Variants in MCUB observed in about 807,000 individuals in gnomAD.
The protein encoded by MCUB is calcium uniporter regulatory subunit MCUb, mitochondrial.
In MCUB, 46 loss-of-function variants were observed where a neutral mutation model predicts 41.4. The ratio of observed to expected loss-of-function variants is 1.11; its 90% CI spans 0.88 to 1.42. The LOEUF (loss-of-function observed/expected upper bound fraction) is 1.42, where lower values mean the gene tolerates loss of function less well. MCUB is among the 40% of genes most tolerant of loss of function. The pLI is 0.00. For synonymous variants in MCUB, 148 were observed against 148.2 expected, an observed-to-expected ratio of 1.00 and a Z score of 0.01; for missense variants, 403 against 404.9, an observed-to-expected ratio of 1.00 and a Z score of 0.04.
chr4:109,673,039 C>T (rs1729494772), intron 4 of MCUB, among the ~76,000 whole-genome samples: 1 of 152,184 alleles, frequency 6.6e-6, no homozygotes, highest in South Asian at 2.1e-4. Context: ...AAATGAATCA[C>T]TCATTTCAAC....
At chr4:109,658,198 A>G (rs1262649698) in intron 1 of MCUB, among the ~76,000 whole-genome samples, 1 of 152,226 alleles carries the variant, frequency 6.6e-6, no homozygotes, top group Non-Finnish European at 1.5e-5. Context: ...GCACAGATCT[A>G]GAGCAGTGTT....
chr4:109,685,531 A>G (rs998125347), intron 7 of MCUB, among the ~76,000 whole-genome samples, 164 bp downstream of exon 7: 3 of 152,230 alleles, frequency 2.0e-5, no homozygotes, highest in African/African-American at 7.2e-5. Flanking sequence ...TATTAATTTC[A>G]TATCCCAGTT....
In MCUB at chr4:109,674,070, T is replaced by C. The variant is rs1312468525; in HGVS notation, c.452-8512T>C. On this transcript the variant is annotated intron_variant, in intron 4 of 7. Transcript: ENST00000394650. ...AAGGCTTTGTTGTAGGAGCAATGACTGTTGGTATGGGCTATTCCATGTATC... is the reference window on the plus strand; with the variant it reads ...AAGGCTTTGTTGTAGGAGCAATGACCGTTGGTATGGGCTATTCCATGTATC... 5 of 1,428,598 alleles carry C rather than the reference T, an allele frequency of 3.5e-6. No homozygotes were observed. The East Asian group carries it at 6.8e-5, about 19-fold the overall frequency. The allele number at this position is 1,428,598 out of a possible 1,614,324, so 88.5% of individuals were successfully genotyped here.
At chr4:109,606,165 G>A (rs750804516) in intron 1 of MCUB, among the ~76,000 whole-genome samples, 14 of 152,038 alleles carry the variant, frequency 9.2e-5, no homozygotes, top group Admixed American at 5.2e-4. Flanking sequence ...TAGTAGAGAC[G>A]GGGTTTCACC....
chr4:109,595,793 CT>C, intron 1 of MCUB, among the ~76,000 whole-genome samples: 1 of 152,282 alleles, frequency 6.6e-6, no homozygotes, highest in African/African-American at 2.4e-5. Context: ...GTAGGGTCAT[CT>C]TGACCAATGA....
At chr4:109,574,793 G>A (rs575919082) in intron 1 of MCUB, among the ~76,000 whole-genome samples, 4 of 152,084 alleles carry the variant, frequency 2.6e-5, no homozygotes, top group African/African-American at 7.2e-5. Flanking sequence ...AGACAGAGCC[G>A]GACTGGTCAA....
In MCUB at chr4:109,560,353, C is replaced by T; in HGVS notation, c.16C>T (p.Leu6Phe). Residue 6 changes from leucine to phenylalanine, a missense_variant, in exon 1 of 8, where the codon CTC becomes TTC. By Grantham distance (22) the Leu-to-Phe change is conservative. Coordinates refer to ENST00000394650, the MANE Select transcript of MCUB (RefSeq NM_017918.5). Reference protein sequence around the residue: MLQRGLWPWRTRLLPT... With the variant: MLQRGFWPWRTRLLPT... ...GGGCGGGAGGATGCTCCAGAGGGGCCTCTGGCCGTGGCGCACGCGGCTGCT... is the reference window on the plus strand; with the variant it reads ...GGGCGGGAGGATGCTCCAGAGGGGCTTCTGGCCGTGGCGCACGCGGCTGCT... The T allele has an allele frequency of 4.6e-6, 6 of 1,314,732 alleles. No individual in the cohort carries two copies. The highest frequency in any genetic ancestry group is 5.8e-6 in the Non-Finnish European group (6 of 1,032,644). The allele number at this position is 1,314,732 out of a possible 1,614,324, so 81.4% of individuals were successfully genotyped here.
intron 1 of MCUB, among the ~76,000 whole-genome samples, chr4:109,658,652 G>A (rs1357800762): frequency 6.6e-6 from 1 of 152,102 alleles, no homozygotes; most frequent in East Asian, 1.9e-4. Context: ...ACCACATATT[G>A]AGAAGCATGT....
At chr4:109,652,932 G>A (rs1439599464) in intron 1 of MCUB, among the ~76,000 whole-genome samples, 1 of 152,216 alleles carries the variant, frequency 6.6e-6, no homozygotes, top group Non-Finnish European at 1.5e-5. Flanking sequence ...ACCAGACCAA[G>A]TCCCTGCCTG....
intron 1 of MCUB, among the ~76,000 whole-genome samples, chr4:109,640,226 T>G (rs1372833341): frequency 6.6e-6 from 1 of 152,156 alleles, no homozygotes; most frequent in Non-Finnish European, 1.5e-5. Flanking sequence ...TGTCATAAGG[T>G]CAGTTGATCA....
chr4:109,669,810 C>T (rs1179089806), intron 4 of MCUB, among the ~76,000 whole-genome samples: 1 of 152,004 alleles, frequency 6.6e-6, no homozygotes, highest in Admixed American at 6.5e-5. Flanking sequence ...TACTAACAAG[C>T]CCATTAAAGG....
At chr4:109,651,409 G>A (rs1027394388) in intron 1 of MCUB, among the ~76,000 whole-genome samples, 3 of 152,112 alleles carry the variant, frequency 2.0e-5, no homozygotes, top group Non-Finnish European at 2.9e-5. Flanking sequence ...TCTCCAAGGA[G>A]GCTTGCTTCC....
chr4:109,599,420 A>T (rs1022341746), intron 1 of MCUB, among the ~76,000 whole-genome samples: 3 of 151,498 alleles, frequency 2.0e-5, no homozygotes, highest in African/African-American at 7.3e-5. Context: ...TTCTGAATCT[A>T]AATTTTTTTC....
At chr4:109,568,632 T>G (rs1354660011) in intron 1 of MCUB, among the ~76,000 whole-genome samples, 3 of 152,212 alleles carry the variant, frequency 2.0e-5, no homozygotes, top group East Asian at 1.9e-4. Flanking sequence ...TGAGGTCTCT[T>G]CAGATCTCTG....
At chr4:109,598,425 T>G (rs897163902) in intron 1 of MCUB, among the ~76,000 whole-genome samples, 4 of 151,950 alleles carry the variant, frequency 2.6e-5, no homozygotes, top group African/African-American at 9.7e-5. Flanking sequence ...AAACCCCGTC[T>G]CCACCAAAAA....
At chr4:109,660,677 G>A (rs1416737352) in intron 3 of MCUB, among the ~76,000 whole-genome samples, 3 of 151,912 alleles carry the variant, frequency 2.0e-5, no homozygotes, top group Admixed American at 6.6e-5. Flanking sequence ...TTAGCCACCC[G>A]TGGTGGTACA....
At chr4:109,660,487 T>C in intron 3 of MCUB, 122 bp downstream of exon 3, 1 of 532,470 alleles carries the variant, frequency 1.9e-6, no homozygotes, top group East Asian at 3.2e-5. Context: ...ATGGTTGGTC[T>C]TTATTCTTTC....
chr4:109,629,863 A>C (rs1257189671), intron 1 of MCUB, among the ~76,000 whole-genome samples: 1 of 152,150 alleles, frequency 6.6e-6, no homozygotes, highest in Non-Finnish European at 1.5e-5. Context: ...TGATTCATTA[A>C]ACGTTTGGCC....
chr4:109,577,356 A>G (rs1445411237), intron 1 of MCUB, among the ~76,000 whole-genome samples: 1 of 152,184 alleles, frequency 6.6e-6, no homozygotes, highest in Admixed American at 6.5e-5. Flanking sequence ...TTCATTAATA[A>G]TACATGTAAA....
Sources: gnomAD v4.1 joint callset for allele counts (sites outside exome capture counted in the v4.1 genomes callset) on GRCh38, gnomAD v4.1.1 for gene constraint, MANE v1.5 for transcripts, NCBI Gene and HGNC (gene_info 2026-07-23, HGNC 2026-07-21) for gene names.